SPACA7: variants seen among roughly 807,000 people sequenced by gnomAD.
SPACA7 encodes sperm acrosome-associated protein 7.
Under a neutral mutation model 26.3 loss-of-function variants are expected in SPACA7, and 19 were observed. That is an observed-to-expected ratio of 0.72 (90% CI 0.50 to 1.06). SPACA7 has a LOEUF of 1.06. SPACA7 is among the 50% of genes least tolerant of loss of function. The probability of loss-of-function intolerance (pLI) is 0.00; values close to 1 mark genes in which losing one functional copy is unlikely to be tolerated. For synonymous variants in SPACA7, 84 were observed against 84.5 expected, an observed-to-expected ratio of 0.99 and a Z score of 0.04; for missense variants, 211 against 229.9, an observed-to-expected ratio of 0.92 and a Z score of 0.53.
At chr13:112,387,418 T>C (rs1594248476) in intron 1 of SPACA7, among the ~76,000 whole-genome samples, 1 of 152,238 alleles carries the variant, frequency 6.6e-6, no homozygotes, top group African/African-American at 2.4e-5. Flanking sequence ...ACCCACATTC[T>C]ATCCTGTGAT....
chr13:112,407,739 C>T (rs1177301116), intron 5 of SPACA7, among the ~76,000 whole-genome samples: 1 of 152,074 alleles, frequency 6.6e-6, no homozygotes, highest in Non-Finnish European at 1.5e-5. Flanking sequence ...GCCTACCAAA[C>T]AAAAAAAGTC....
chr13:112,419,804 A>G (rs932595943), intron 5 of SPACA7, among the ~76,000 whole-genome samples: 3 of 152,218 alleles, frequency 2.0e-5, no homozygotes, highest in Admixed American at 2.0e-4. Flanking sequence ...TCCCCTGCCC[A>G]TCACAGGCCT....
At chr13:112,395,913 A>T (rs2138932428) in intron 2 of SPACA7, among the ~76,000 whole-genome samples, 1 of 152,188 alleles carries the variant, frequency 6.6e-6, no homozygotes, top group Non-Finnish European at 1.5e-5. Flanking sequence ...ATCTCTACCT[A>T]AAGCGTTTTT....
At chr13:112,415,168 T>A (rs1247152334) in intron 5 of SPACA7, among the ~76,000 whole-genome samples, 2 of 152,158 alleles carry the variant, frequency 1.3e-5, no homozygotes, top group African/African-American at 4.8e-5. Context: ...TGTTTCCCCA[T>A]AGCAGACGGA....
chr13:112,390,130 A>C (rs933212186), intron 1 of SPACA7, among the ~76,000 whole-genome samples: 1 of 124,330 alleles, frequency 8.0e-6, no homozygotes, highest in Admixed American at 7.8e-5. Flanking sequence ...AGAAGGGTGT[A>C]ATGGGGGTGG....
At chr13:112,434,335 C>T in intron 6 of SPACA7, 150 bp from the exon 7 acceptor site, 1 of 668,946 alleles carries the variant, frequency 1.5e-6, no homozygotes, top group Non-Finnish European at 2.6e-6. Flanking sequence ...TCCCGGTCCT[C>T]CTGCCCCAGA....
At chr13:112,419,492 G>T (rs1413374810) in intron 5 of SPACA7, among the ~76,000 whole-genome samples, 2 of 152,192 alleles carry the variant, frequency 1.3e-5, no homozygotes, top group African/African-American at 4.8e-5. Context: ...AGCTATAAAA[G>T]CCTCTTGCGG....
chr13:112,410,410 G>GTTGT (rs914106694), intron 5 of SPACA7, among the ~76,000 whole-genome samples: 1 of 151,802 alleles, frequency 6.6e-6, no homozygotes, highest in African/African-American at 2.4e-5. Flanking sequence ...AATTATAAAA[G>GTTGT]TTGTTTGTTG....
chr13:112,384,107 A>G (rs937221194), intron 1 of SPACA7, among the ~76,000 whole-genome samples: 18 of 152,184 alleles, frequency 1.2e-4, no homozygotes, highest in African/African-American at 4.3e-4. Flanking sequence ...TAAGAGTTCT[A>G]AAGTTTGGGT....
At chr13:112,405,771 T>C (rs1885950815) in intron 5 of SPACA7, among the ~76,000 whole-genome samples, 1 of 152,178 alleles carries the variant, frequency 6.6e-6, no homozygotes, top group African/African-American at 2.4e-5. Flanking sequence ...TTCTCTATTA[T>C]AAATATTTTT....
chr13:112,424,004 G>A (rs1876266932), intron 5 of SPACA7, among the ~76,000 whole-genome samples: 1 of 152,214 alleles, frequency 6.6e-6, no homozygotes, highest in Non-Finnish European at 1.5e-5. Context: ...AAAAGGCCAA[G>A]CGTTTCACAT....
chr13:112,385,958 G>A (rs1352962948), intron 1 of SPACA7, among the ~76,000 whole-genome samples: 3 of 152,146 alleles, frequency 2.0e-5, no homozygotes, highest in Non-Finnish European at 4.4e-5. Flanking sequence ...TTGGAGGAAC[G>A]GAGCTGGGAA....
rs557024263 is a variant in SPACA7, at chr13:112,434,611, T to TC, written c.*64dup. The TC allele has an allele frequency of 2.5e-5, 35 of 1,382,778 alleles. No individual in the cohort carries two copies. In the South Asian group the frequency reaches 4.2e-4, roughly 17 times the overall value. 85.7% of individuals were successfully genotyped at this position (1,382,778 alleles called of 1,614,324 possible). On this transcript the variant is annotated 3_prime_UTR_variant, in exon 7 of 7. Transcript: ENST00000283550. ...CTGCTAGAACCCCCACCCACCAGCC[T>TC]CCGGAACAGGGCACTTGTGTGCACA...
chr13:112,403,136 T>C (rs1363839995), intron 5 of SPACA7, among the ~76,000 whole-genome samples: 1 of 152,178 alleles, frequency 6.6e-6, no homozygotes, highest in Admixed American at 6.5e-5. Flanking sequence ...CTGGGGTAGT[T>C]CCTTAATAAC....
intron 1 of SPACA7, among the ~76,000 whole-genome samples, chr13:112,391,745 G>A (rs1207649053): frequency 6.6e-6 from 1 of 152,042 alleles, no homozygotes; most frequent in Non-Finnish European, 1.5e-5. Context: ...TATAATTACG[G>A]GACAGACACA....
intron 5 of SPACA7, among the ~76,000 whole-genome samples, chr13:112,431,375 T>C (rs1877123520): frequency 6.6e-6 from 1 of 152,216 alleles, no homozygotes; most frequent in South Asian, 2.1e-4. Flanking sequence ...AAAAGTTTCA[T>C]GGTTCATAAT....
intron 1 of SPACA7, chr13:112,378,545 T>C: frequency 2.7e-6 from 1 of 364,910 alleles, no homozygotes; most frequent in Non-Finnish European, 5.6e-6. Context: ...GATTAGATTT[T>C]TTAAAAGCTT....
intron 2 of SPACA7, among the ~76,000 whole-genome samples, chr13:112,394,529 G>A (rs1216407606): frequency 2.6e-5 from 3 of 115,362 alleles, no homozygotes; most frequent in South Asian, 3.5e-4. Flanking sequence ...CTGGGTGGGA[G>A]AGGCCTGGGA....
At chr13:112,377,367 T>A (rs1236929140) in intron 1 of SPACA7, among the ~76,000 whole-genome samples, 1 of 152,196 alleles carries the variant, frequency 6.6e-6, no homozygotes, top group Non-Finnish European at 1.5e-5. Context: ...AATCTAGACA[T>A]CCATGAGAGA....
Sources: gnomAD v4.1 joint callset for allele counts (sites outside exome capture counted in the v4.1 genomes callset) on GRCh38, gnomAD v4.1.1 for gene constraint, MANE v1.5 for transcripts, NCBI Gene and HGNC (gene_info 2026-07-23, HGNC 2026-07-21) for gene names.